Variants in HSP90AA1 observed in about 807,000 individuals in gnomAD.
HSP90AA1 encodes heat shock protein HSP 90-alpha.
In HSP90AA1, 18 loss-of-function variants were observed where a neutral mutation model predicts 73.3. That is an observed-to-expected ratio of 0.25 (90% CI 0.17 to 0.36). HSP90AA1 has a LOEUF of 0.36. Ranked by LOEUF, HSP90AA1 falls within the 10% of genes least tolerant of loss-of-function variation. HSP90AA1 has a pLI of 1.00. For synonymous variants in HSP90AA1, 477 were observed against 296.9 expected, an observed-to-expected ratio of 1.61 and a Z score of -6.24; for missense variants, 704 against 874.2, an observed-to-expected ratio of 0.81 and a Z score of 2.45.
At position 102,086,140 on chromosome 14, in the gene HSP90AA1, A is replaced by G. The variant is rs1001114273; in HGVS notation, c.163-16T>C. ...TGTCCAATGCCTGTTAACAAAAAAT[A>G]TTAATTTAAGCATACAGCACCCCCA... On this transcript the variant is annotated splice_polypyrimidine_tract_variant and intron_variant, in intron 2 of 10. Transcript: ENST00000216281. 6.2e-6 allele frequency: 10 copies of G among 1,614,000 alleles called. No individual in the cohort carries two copies. The highest frequency in any genetic ancestry group is 8.5e-6 in the Non-Finnish European group (10 of 1,179,854).
chr14:102,111,642 A>C (rs1424707740), intron 1 of HSP90AA1, among the ~76,000 whole-genome samples: 1 of 152,266 alleles, frequency 6.6e-6, no homozygotes, highest in East Asian at 1.9e-4. Context: ...CAATATCTTT[A>C]TTCTAAACTC....
At chr14:102,139,284 G>A (rs2050163700) in exon 1 of HSP90AA1, 2 of 1,613,962 alleles carry the variant, frequency 1.2e-6, no homozygotes, top group East Asian at 2.2e-5. Context: ...GCTTCAGAGG[G>A]GCTTCCTGGG....
intron 1 of HSP90AA1, among the ~76,000 whole-genome samples, chr14:102,129,366 G>A (rs1174607225): frequency 6.6e-6 from 1 of 151,800 alleles, no homozygotes. Context: ...ATTATTCAGT[G>A]GTTTCTGGTA....
At chr14:102,121,149 G>A (rs1376517747) in intron 1 of HSP90AA1, among the ~76,000 whole-genome samples, 1 of 151,900 alleles carries the variant, frequency 6.6e-6, no homozygotes, top group Non-Finnish European at 1.5e-5. Flanking sequence ...TGATGCTCCT[G>A]CCTCAGCCTT....
At chr14:102,132,608 C>T (rs555753569) in intron 1 of HSP90AA1, among the ~76,000 whole-genome samples, 24 of 152,170 alleles carry the variant, frequency 1.6e-4, no homozygotes, top group African/African-American at 3.9e-4. Context: ...GTTATTCCTA[C>T]GCTTAAGTGT....
rs1244116592 is a variant in HSP90AA1 at position 102,084,939 on chromosome 14, T to G, written c.723A>C (p.Lys241Asn). 1.3e-6 allele frequency: 2 copies of G among 1,594,388 alleles called. No individual in the cohort carries two copies. The highest frequency in any genetic ancestry group is 1.7e-6 in the Non-Finnish European group (2 of 1,165,044). The change falls in exon 5 of 11, where the codon AAA (lysine) becomes AAC (asparagine). Residue 241 changes from lysine to asparagine, a missense_variant. Coordinates refer to ENST00000216281, the MANE Select transcript of HSP90AA1 (RefSeq NM_005348.4). ...SDDEAEEKED[K>N]EEEKEKEEKE... ...TCTCTTCTTTTTCTTTTTCTTCTTC[T>G]TTGTCTTCCTTTTCTTCAGCCTCAT...
At chr14:102,099,619 C>T (rs539662660) in intron 2 of HSP90AA1, among the ~76,000 whole-genome samples, 1 of 152,216 alleles carries the variant, frequency 6.6e-6, no homozygotes, top group East Asian at 1.9e-4. Context: ...AACATTCAAT[C>T]TTGTTCCCCA....
chr14:102,120,264 T>C (rs2049759392), intron 1 of HSP90AA1, among the ~76,000 whole-genome samples: 1 of 151,766 alleles, frequency 6.6e-6, no homozygotes, highest in Admixed American at 6.6e-5. Flanking sequence ...GAGGCTGAGG[T>C]GGGAGGATCA....
At position 102,117,233 on chromosome 14, in the gene HSP90AA1, G is replaced by T. The variant is rs1215624331; in HGVS notation, c.156-15148C>A. Among the ~76,000 whole-genome samples, 3 of 152,182 alleles carry T rather than the reference G, an allele frequency of 2.0e-5. No individual in the cohort carries two copies. The East Asian group carries it at 5.8e-4, about 29-fold the overall frequency. ...GTGAAAAGTTGTAGGAAGTAGACCG[G>T]CTCCAGGGTGGAAAGGGGTGGGTCC... On this transcript the variant is annotated intron_variant, in intron 1 of 11. Coordinates refer to the HSP90AA1 transcript ENST00000334701.
At chr14:102,087,123 C>A (rs1396065487), upstream of HSP90AA1, 4 of 984,560 alleles carry the variant, frequency 4.1e-6, no homozygotes, top group East Asian at 3.4e-4. Flanking sequence ...GCCTCCCGAA[C>A]CTTCCGGAAG....
At chr14:102,134,796 G>C (rs775258651) in intron 1 of HSP90AA1, among the ~76,000 whole-genome samples, 1 of 152,326 alleles carries the variant, frequency 6.6e-6, no homozygotes, top group Non-Finnish European at 1.5e-5. Context: ...AAGGGAGAAA[G>C]AACAAAGCTT....
At chr14:102,126,397 T>A (rs1289101031) in intron 1 of HSP90AA1, among the ~76,000 whole-genome samples, 1 of 152,192 alleles carries the variant, frequency 6.6e-6, no homozygotes, top group Non-Finnish European at 1.5e-5. Flanking sequence ...CAATTCAGTA[T>A]GTGTTGATTA....
In HSP90AA1 at chr14:102,087,008, A is replaced by ACC. The variant is rs2049259264; in HGVS notation, c.-25_-24dup. 1.2e-5 allele frequency: 12 copies of ACC among 984,956 alleles called. No homozygotes were observed. The highest frequency in any genetic ancestry group is 1.4e-5 in the Non-Finnish European group (12 of 830,044). 61.0% of individuals were successfully genotyped at this position (984,956 alleles called of 1,614,324 possible). On this transcript the variant is annotated 5_prime_UTR_variant, in exon 1 of 11. Transcript: ENST00000216281. Reference sequence around the variant, plus strand: ...CACCTTGGCTAAGTGACCGCACAGGACCAACGGCACAGCCACACCGGGACG... The same window carrying ACC: ...CACCTTGGCTAAGTGACCGCACAGGACCCCAACGGCACAGCCACACCGGGACG...
intron 1 of HSP90AA1, among the ~76,000 whole-genome samples, chr14:102,121,016 C>CAT (rs1314069036): frequency 2.1e-5 from 3 of 145,456 alleles, no homozygotes; most frequent in Non-Finnish European, 3.0e-5. Context: ...CACACACACA[C>CAT]ACACATACAC....
In HSP90AA1 at chr14:102,086,074, G is replaced by C. The variant is rs759314874; in HGVS notation, c.213C>G (p.Asp71Glu). Reference sequence around the variant, plus strand: ...GGTTAATATGCAGCTCTTTCCCAGAGTCTAATTTACTGGGATCTGTCAAGC... The same window carrying C: ...GGTTAATATGCAGCTCTTTCCCAGACTCTAATTTACTGGGATCTGTCAAGC... Reference protein sequence around the residue: ...YESLTDPSKLDSGKELHINLI... With the variant: ...YESLTDPSKLESGKELHINLI... The change falls in exon 3 of 11, where the codon GAC becomes GAG. Residue 71 changes from aspartate (D) to glutamate (E), a missense_variant. Asp to Glu is a conservative substitution (Grantham distance 45, BLOSUM62 2). Transcript: ENST00000216281. 1 of 1,613,706 alleles carries C rather than the reference G, an allele frequency of 6.2e-7. No homozygotes were observed. Among genetic ancestry groups the C allele is most frequent in the Non-Finnish European group, 8.5e-7 (1 of 1,179,638 alleles).
At chr14:102,112,574 G>A (rs2049655477) in intron 1 of HSP90AA1, among the ~76,000 whole-genome samples, 1 of 151,928 alleles carries the variant, frequency 6.6e-6, no homozygotes. Flanking sequence ...GAACTCCTGG[G>A]CTCAAGAGAT....
intron 1 of HSP90AA1, among the ~76,000 whole-genome samples, chr14:102,134,482 C>G (rs2049954532): frequency 1.3e-5 from 2 of 152,122 alleles, no homozygotes; most frequent in Non-Finnish European, 2.9e-5. Flanking sequence ...GCCGCGGACC[C>G]TCGCAGTGAG....
chr14:102,093,502 A>G (rs1345586704), intron 2 of HSP90AA1, among the ~76,000 whole-genome samples: 1 of 149,350 alleles, frequency 6.7e-6, no homozygotes, highest in Non-Finnish European at 1.5e-5. Flanking sequence ...AAAAAAAAAA[A>G]TTCTGTCATT....
chr14:102,105,272 A>AGGCG lies in HSP90AA1; in HGVS notation c.156-3191_156-3188dup, dbSNP rs1280016015. Among the ~76,000 whole-genome samples, 10 of 151,448 alleles carry AGGCG rather than the reference A, an allele frequency of 6.6e-5. No homozygotes were observed. The East Asian group carries it at 1.9e-3, about 29-fold the overall frequency. On this transcript the variant is annotated intron_variant, in intron 1 of 11. Coordinates refer to the HSP90AA1 transcript ENST00000334701. ...AACACTGATCTAGTTTACAATGTCC[A>AGGCG]GGCGCTTTGCTAGGGCTGGGGATTC...
Sources: allele counts gnomAD v4.1 joint callset (sites outside exome capture counted in the v4.1 genomes callset), GRCh38; gene constraint gnomAD v4.1.1; transcripts MANE v1.5; gene names NCBI Gene and HGNC (gene_info 2026-07-23, HGNC 2026-07-21).